Variants in YAP1 observed in about 807,000 individuals in gnomAD.
YAP1 encodes the protein transcriptional coactivator YAP1.
In YAP1, 5 loss-of-function variants were observed where a neutral mutation model predicts 56.9. That is an observed-to-expected ratio of 0.09 (90% CI 0.05 to 0.18). YAP1 has a LOEUF of 0.18. Among genes scored for constraint, YAP1 ranks in the 10% least tolerant of loss-of-function variants. YAP1 has a pLI of 1.00. For missense variants in YAP1, 539 were observed against 651.8 expected (o/e 0.83, Z 1.88); for synonymous variants, 265 against 248.1 (o/e 1.07, Z -0.64).
At chr11:102,122,310 C>T (rs1464689069) in intron 2 of YAP1, among the ~76,000 whole-genome samples, 1 of 151,786 alleles carries the variant, frequency 6.6e-6, no homozygotes, top group Non-Finnish European at 1.5e-5. Flanking sequence ...ATCCCAGCTA[C>T]TCCTTTTGGG....
chr11:102,148,424 A>G (rs1372482328), intron 2 of YAP1, among the ~76,000 whole-genome samples: 1 of 152,166 alleles, frequency 6.6e-6, no homozygotes, highest in Non-Finnish European at 1.5e-5. Context: ...AAGAACTGAA[A>G]AAAACAAGAG....
At chr11:102,166,480 T>C (rs1233282846) in intron 3 of YAP1, among the ~76,000 whole-genome samples, 2 of 152,144 alleles carry the variant, frequency 1.3e-5, no homozygotes, top group African/African-American at 2.4e-5. Context: ...CTTGGAAAAA[T>C]GATCTTTTAA....
intron 5 of YAP1, among the ~76,000 whole-genome samples, chr11:102,207,410 G>A (rs1246554789): frequency 6.6e-6 from 1 of 151,634 alleles, no homozygotes; most frequent in African/African-American, 2.4e-5. Flanking sequence ...CGTCATACTC[G>A]GCCAGGCATG....
At chr11:102,136,376 C>T (rs1356813403) in intron 2 of YAP1, among the ~76,000 whole-genome samples, 2 of 150,600 alleles carry the variant, frequency 1.3e-5, no homozygotes, top group Non-Finnish European at 3.0e-5. Flanking sequence ...ACAGGGTCTC[C>T]GTCGCCTAGG....
rs557658280 is a variant in YAP1 at position 102,161,860 on chromosome 11, A to G, written c.573-596A>G. On this transcript the variant is annotated intron_variant, in intron 2 of 8. Coordinates refer to ENST00000282441, the MANE Select transcript of YAP1 (RefSeq NM_001130145.3). ...TATACATGTATTTCTCAGTAAGTTAACAATTATGTAGAAAATGTTCAGCAA... is the reference window on the plus strand; with the variant it reads ...TATACATGTATTTCTCAGTAAGTTAGCAATTATGTAGAAAATGTTCAGCAA... Among the ~76,000 whole-genome samples the G allele has an allele frequency of 5.3e-5, 8 of 152,356 alleles. No homozygotes were observed. The East Asian group carries it at 1.3e-3, about 26-fold the overall frequency.
chr11:102,227,746 ACTTGT>A lies in YAP1; in HGVS notation c.1276+169_1276+173del, dbSNP rs543438661. Among the ~76,000 whole-genome samples the A allele has an allele frequency of 2.6e-3, 403 of 152,238 alleles. 1 individual carries two copies. Among genetic ancestry groups the A allele is most frequent in the South Asian group, 0.013 (63 of 4,816 alleles). ...CTTTGTCTCTATACGGTGATTTGTAACTTGTCTTTTCCTAGTTTAAAAAAATATAT... is the reference window on the plus strand; with the variant it reads ...CTTTGTCTCTATACGGTGATTTGTAACTTTTCCTAGTTTAAAAAAATATAT... On this transcript the variant is annotated intron_variant, in intron 8 of 8. Transcript: ENST00000282441.
intron 2 of YAP1, among the ~76,000 whole-genome samples, chr11:102,161,853 T>C (rs1946310607): frequency 6.6e-6 from 1 of 152,220 alleles, no homozygotes; most frequent in South Asian, 2.1e-4. Flanking sequence ...TATTTCTCAG[T>C]AAGTTAACAA....
chr11:102,210,222 T>C (rs1456322861), intron 6 of YAP1, among the ~76,000 whole-genome samples: 1 of 152,222 alleles, frequency 6.6e-6, no homozygotes, highest in Non-Finnish European at 1.5e-5. Flanking sequence ...AATCTCGTTC[T>C]TAAAACCAAA....
intron 7 of YAP1, chr11:102,226,876 T>C (rs1042707512): frequency 1.3e-5 from 2 of 152,302 alleles, no homozygotes; most frequent in African/African-American, 4.8e-5. Flanking sequence ...ATTCTTATCT[T>C]ATTGGCAGTG....
chr11:102,156,172 A>T (rs895546259), intron 2 of YAP1, among the ~76,000 whole-genome samples: 10 of 152,316 alleles, frequency 6.6e-5, no homozygotes, highest in African/African-American at 2.4e-4. Context: ...TTAAAATAGT[A>T]TTTGTTCAGG....
intron 2 of YAP1, among the ~76,000 whole-genome samples, chr11:102,121,394 C>G (rs1004822905): frequency 6.6e-6 from 1 of 150,706 alleles, no homozygotes. Context: ...GATTGTGCCA[C>G]TGCACTTCAG....
chr11:102,204,354 AGC>A (rs1949018811), intron 4 of YAP1, among the ~76,000 whole-genome samples: 1 of 152,116 alleles, frequency 6.6e-6, no homozygotes, highest in African/African-American at 2.4e-5. Context: ...GTATTTTTTC[AGC>A]GCACACTTTG....
chr11:102,119,691 G>A (rs1943532807), intron 2 of YAP1, among the ~76,000 whole-genome samples: 1 of 149,858 alleles, frequency 6.7e-6, no homozygotes, highest in Non-Finnish European at 1.5e-5. Context: ...GTCCTCTTTA[G>A]TTATGTAGAG....
In YAP1 at chr11:102,229,792, G is replaced by A. The variant is rs1241127464; in HGVS notation, c.1367G>A (p.Gly456Glu). 1.9e-6 allele frequency: 3 copies of A among 1,614,128 alleles called. No individual in the cohort carries two copies. The highest frequency in any genetic ancestry group is 2.5e-6 in the Non-Finnish European group (3 of 1,180,004). ...EAIPGTNVDL[G>E]TLEGDGMNIE... ...ATTCCTGGGACAAATGTGGACCTTGGAACACTGGAAGGAGATGGAATGAAC... is the reference window on the plus strand; with the variant it reads ...ATTCCTGGGACAAATGTGGACCTTGAAACACTGGAAGGAGATGGAATGAAC... Residue 456 changes from glycine to glutamate, a missense_variant, in exon 9 of 9, where the codon GGA becomes GAA. Physicochemically the swap from Gly to Glu is moderately conservative, Grantham distance 98 (BLOSUM62 -2). Around this residue, in one of 4 missense-constraint regions of YAP1, gnomAD observed 414 missense variants for 512.4 expected, o/e 0.81. Transcript: ENST00000282441.
chr11:102,207,753 G>T (rs530359761), intron 5 of YAP1, among the ~76,000 whole-genome samples: 4 of 152,342 alleles, frequency 2.6e-5, no homozygotes, highest in African/African-American at 9.6e-5. Flanking sequence ...CGTTGAAACT[G>T]TGCTTTGTCG....
In YAP1 at chr11:102,227,497, A is replaced by G; in HGVS notation, c.1192A>G (p.Thr398Ala). 2 of 1,613,836 alleles carry G rather than the reference A, an allele frequency of 1.2e-6. No homozygotes were observed. The highest frequency in any genetic ancestry group is 1.1e-5 in the South Asian group (1 of 90,952). ...SGTYHSRDESTDSGLSMSSYS... is the reference protein window; with the variant it reads ...SGTYHSRDESADSGLSMSSYS... ...CACCTATCACTCTCGAGATGAGAGT[A>G]CAGACAGTGGACTAAGCATGAGCAG... is the stretch of plus-strand genomic sequence containing the variant. The change falls in exon 8 of 9, where the codon ACA (threonine) becomes GCA (alanine). Residue 398 changes from threonine to alanine, a missense_variant. Thr to Ala is a moderately conservative substitution (Grantham distance 58). Around this residue, in one of 4 missense-constraint regions of YAP1, gnomAD observed 414 missense variants for 512.4 expected, o/e 0.81. Coordinates refer to ENST00000282441, the MANE Select transcript of YAP1 (RefSeq NM_001130145.3).
chr11:102,157,302 GT>G (rs1449666777), intron 2 of YAP1, among the ~76,000 whole-genome samples: 1 of 152,172 alleles, frequency 6.6e-6, no homozygotes, highest in Non-Finnish European at 1.5e-5. Flanking sequence ...TATAGTTGTG[GT>G]TTAGGAACTG....
chr11:102,230,664 TG>T lies in YAP1; in HGVS notation c.*725del, dbSNP rs1228447123. 1 of 152,598 alleles carries T rather than the reference TG, an allele frequency of 6.6e-6. No homozygotes were observed. Among genetic ancestry groups the T allele is most frequent in the African/African-American group, 2.4e-5 (1 of 41,424 alleles). 9.5% of individuals were successfully genotyped at this position (152,598 alleles called of 1,614,324 possible). On this transcript the variant is annotated 3_prime_UTR_variant, in exon 9 of 9. Coordinates refer to ENST00000282441, the MANE Select transcript of YAP1 (RefSeq NM_001130145.3). ...TTTTGTTCTGTTTTGTTGGGTTTTT[TG>T]TTTTTTTTGTTTTTGGCAGGGTCGG...
At position 102,110,965 on chromosome 11, in the gene YAP1, G is replaced by C; in HGVS notation, c.117G>C (p.Ala39=). 2 of 1,515,592 alleles carry C rather than the reference G, an allele frequency of 1.3e-6. No homozygotes were observed. The highest frequency in any genetic ancestry group is 1.8e-6 in the Non-Finnish European group (2 of 1,133,494). The allele number at this position is 1,515,592 out of a possible 1,614,324, so 93.9% of individuals were successfully genotyped here. A position where few individuals can be genotyped will look rare whatever the true frequency, so the allele number is the denominator to read the frequency against. Residue 39 remains alanine, a synonymous_variant, in exon 1 of 9, where the codon GCG becomes GCC. Coordinates refer to ENST00000282441, the MANE Select transcript of YAP1 (RefSeq NM_001130145.3). ...PPSGPGQPAP[A]ATQAAPQAPP... ...CCGGACCCGGGCAACCGGCACCCGC[G>C]GCGACCCAGGCGGCGCCGCAGGCAC...
Sources: allele counts gnomAD v4.1 joint callset (sites outside exome capture counted in the v4.1 genomes callset), GRCh38; gene constraint gnomAD v4.1.1; regional missense constraint gnomAD v4.1.1; transcripts MANE v1.5; gene names NCBI Gene and HGNC (gene_info 2026-07-23, HGNC 2026-07-21).